Variants in MIA2 observed in about 807,000 individuals in gnomAD.
MIA2 encodes the protein melanoma inhibitory activity protein 2.
Under a neutral mutation model 167.8 loss-of-function variants are expected in MIA2, and 127 were observed. The ratio of observed to expected loss-of-function variants is 0.76; its 90% CI spans 0.66 to 0.88. MIA2 has a LOEUF of 0.88. Among genes scored for constraint, MIA2 ranks in the 40% least tolerant of loss-of-function variants. The pLI is 0.00. For synonymous variants in MIA2, 552 were observed against 541.9 expected (o/e 1.02, Z -0.26); for missense variants, 1,690 against 1,624.7 (o/e 1.04, Z -0.69).
intron 25 of MIA2, among the ~76,000 whole-genome samples, chr14:39,338,958 A>G (rs1037743823): frequency 6.6e-6 from 1 of 152,218 alleles, no homozygotes; most frequent in African/African-American, 2.4e-5. Context: ...TATCCTGTAG[A>G]TCAGCAGTCC....
rs773922697 is a variant in MIA2 at position 39,320,696 on chromosome 14, C to T, written c.3368-232C>T. On this transcript the variant is annotated intron_variant, in intron 23 of 28. Transcript: ENST00000640607. Reference sequence around the variant, plus strand: ...TATCATGATCTTTTTATTCCCAGTTCGTTGATGTTTTTATTGCTTAAAGTG... The same window carrying T: ...TATCATGATCTTTTTATTCCCAGTTTGTTGATGTTTTTATTGCTTAAAGTG... 5.3e-5 allele frequency among the ~76,000 whole-genome samples: 8 copies of T among 152,052 alleles called. No homozygotes were observed. In the South Asian group the frequency reaches 6.2e-4, roughly 12 times the overall value.
At chr14:39,378,290 A>G (rs2075083462) in intron 23 of MIA2, among the ~76,000 whole-genome samples, 1 of 152,224 alleles carries the variant, frequency 6.6e-6, no homozygotes, top group South Asian at 2.1e-4. Flanking sequence ...ATAAAAGATT[A>G]TTTCCAGTCT....
At chr14:39,349,507 T>C (rs2074085764) in intron 28 of MIA2, among the ~76,000 whole-genome samples, 1 of 152,230 alleles carries the variant, frequency 6.6e-6, no homozygotes, top group Non-Finnish European at 1.5e-5. Flanking sequence ...TTTATATTCA[T>C]ACTTTACTGT....
intron 23 of MIA2, among the ~76,000 whole-genome samples, chr14:39,365,525 G>A (rs2074801088): frequency 6.6e-6 from 1 of 151,894 alleles, no homozygotes; most frequent in Non-Finnish European, 1.5e-5. Flanking sequence ...ATTTCAAAAG[G>A]CCTGTGTTTA....
intron 6 of MIA2, among the ~76,000 whole-genome samples, chr14:39,256,008 G>A (rs537068411): frequency 6.6e-6 from 1 of 152,274 alleles, no homozygotes; most frequent in African/African-American, 2.4e-5. Context: ...GCTTTGTATT[G>A]TCTAAGAAAA....
Position 39,313,290 on chromosome 14 carries a change from A to T in MIA2, c.3018-50A>T, listed in dbSNP as rs200777833. On this transcript the variant is annotated intron_variant, in intron 18 of 28. Coordinates refer to ENST00000640607, the MANE Select transcript of MIA2 (RefSeq NM_001329214.4). ...TTTCACAATTAAAAATATAGAATTG[A>T]TTATCTTTTGACATGTATTAAGAGA... is the stretch of plus-strand genomic sequence containing the variant. The T allele has an allele frequency of 4.8e-5, 44 of 913,418 alleles. No homozygotes were observed. In the East Asian group the frequency reaches 1.2e-3, roughly 25 times the overall value. 56.6% of individuals were successfully genotyped at this position (913,418 alleles called of 1,614,324 possible). A position where few individuals can be genotyped will look rare whatever the true frequency, so the allele number is the denominator to read the frequency against.
chr14:39,267,261 C>A, intron 6 of MIA2: 18 of 1,419,542 alleles, frequency 1.3e-5, no homozygotes, highest in Non-Finnish European at 1.7e-5. Flanking sequence ...ACAAGAGGGT[C>A]GGGATGGGCA....
intron 4 of MIA2, among the ~76,000 whole-genome samples, chr14:39,248,833 G>A (rs1013593371): frequency 2.7e-4 from 41 of 151,970 alleles, no homozygotes; most frequent in African/African-American, 9.2e-4. Context: ...TCGACCTCCT[G>A]GGCTCATGCA....
chr14:39,373,776 A>G (rs1296528790), intron 23 of MIA2, among the ~76,000 whole-genome samples: 1 of 152,208 alleles, frequency 6.6e-6, no homozygotes, highest in African/African-American at 2.4e-5. Context: ...AGCTGAGATC[A>G]TGCCATTGCA....
chr14:39,326,620 A>G (rs2067603712), intron 24 of MIA2, among the ~76,000 whole-genome samples: 1 of 148,592 alleles, frequency 6.7e-6, no homozygotes, highest in African/African-American at 2.4e-5. Context: ...ATTATATTTT[A>G]TATTTATTTT....
intron 7 of MIA2, among the ~76,000 whole-genome samples, chr14:39,279,078 T>C (rs952179642): frequency 2.0e-5 from 3 of 150,106 alleles, no homozygotes; most frequent in African/African-American, 7.4e-5. Context: ...GAGGAATTGC[T>C]TGAACCCAGG....
intron 3 of MIA2, among the ~76,000 whole-genome samples, chr14:39,244,973 T>C (rs2152622551): frequency 6.6e-6 from 1 of 152,118 alleles, no homozygotes; most frequent in African/African-American, 2.4e-5. Context: ...AGACAGGGGT[T>C]CTCCATGTTG....
intron 26 of MIA2, 38 bp from the exon 27 acceptor site, chr14:39,347,674 TA>T: frequency 6.3e-7 from 1 of 1,599,320 alleles, no homozygotes; most frequent in Non-Finnish European, 8.6e-7. Flanking sequence ...AATAAAGTGA[TA>T]AATCATGTAC....
rs2061741128 is a variant in MIA2 at position 39,298,413 on chromosome 14, T to TCATATATATATATATATATA, written c.2497-1451_2497-1450insCATATATATATATATATATA. ...TTTACCTGTATCATCTGATTCTGTT[T>TCATATATATATATATATATA]TATATATATATATATATATATATAT... On this transcript the variant is annotated intron_variant, in intron 13 of 28. Transcript: ENST00000640607. Among the ~76,000 whole-genome samples, 4 of 26,138 alleles carry TCATATATATATATATATATA rather than the reference T, an allele frequency of 1.5e-4. No homozygotes were observed. The Admixed American group carries it at 1.5e-3, about 10-fold the overall frequency. The allele number at this position is 26,138 out of a possible 152,430, so 17.1% of individuals were successfully genotyped here.
In MIA2 at chr14:39,388,347, T is replaced by C. The variant is rs2075298230; in HGVS notation, c.*1395T>C. The C allele has an allele frequency of 6.6e-6, 1 of 152,176 alleles. No individual in the cohort carries two copies. The highest frequency in any genetic ancestry group is 2.1e-4 in the South Asian group (1 of 4,822). The allele number at this position is 152,176 out of a possible 1,614,324, so 9.4% of individuals were successfully genotyped here. ...TACTGTAATTTCAAACTTTATAGTT[T>C]AAACCTGTTTTTTCATGTCTTTCCA... is the stretch of plus-strand genomic sequence containing the variant. On this transcript the variant is annotated 3_prime_UTR_variant, in exon 24 of 24. Coordinates refer to the MIA2 transcript ENST00000341502. The surrounding 1 kb of genome is among the most constrained non-coding windows in gnomAD (Gnocchi z 4.1).
At chr14:39,277,609 A>G (rs1356746726) in intron 7 of MIA2, among the ~76,000 whole-genome samples, 2 of 139,108 alleles carry the variant, frequency 1.4e-5, no homozygotes, top group Non-Finnish European at 3.1e-5. Flanking sequence ...TCGGCCTCCC[A>G]AAGTCTTGGG....
chr14:39,329,671 A>G (rs1298575074), intron 25 of MIA2, among the ~76,000 whole-genome samples: 1 of 108,128 alleles, frequency 9.2e-6, no homozygotes, highest in Non-Finnish European at 1.9e-5. Flanking sequence ...TTTTTTTTTT[A>G]GCATGAAGGG....
At chr14:39,345,597 A>G (rs918033812) in intron 25 of MIA2, among the ~76,000 whole-genome samples, 2 of 152,152 alleles carry the variant, frequency 1.3e-5, no homozygotes, top group South Asian at 2.1e-4. Context: ...ACTTCCATCC[A>G]TTATTAAAAT....
chr14:39,284,439 T>G (rs1595017409), intron 9 of MIA2, among the ~76,000 whole-genome samples: 1 of 152,220 alleles, frequency 6.6e-6, no homozygotes, highest in East Asian at 1.9e-4. Flanking sequence ...ACCACGTTGT[T>G]TTCGTGACTA....
Sources: allele counts gnomAD v4.1 joint callset (sites outside exome capture counted in the v4.1 genomes callset), GRCh38; gene constraint gnomAD v4.1.1; non-coding constraint Gnocchi (gnomAD v3.1); transcripts MANE v1.5; gene names NCBI Gene and HGNC (gene_info 2026-07-23, HGNC 2026-07-21).